The following TENM3 variants were observed in gnomAD, a reference collection of about 807,000 sequenced individuals.
The protein encoded by TENM3 is teneurin transmembrane protein 3.
Under a neutral mutation model 255.1 loss-of-function variants are expected in TENM3, and 63 were observed. The observed-to-expected ratio is 0.25, with a 90% CI of 0.20 to 0.30. The LOEUF is 0.30. Among genes scored for constraint, TENM3 ranks in the 10% least tolerant of loss-of-function variants. The pLI is 1.00. For missense variants in TENM3, 2,929 were observed against 3,461.1 expected (o/e 0.85, Z 3.86); for synonymous variants, 1,306 against 1,322.3 (o/e 0.99, Z 0.27).
At chr4:181,539,795 G>A in the TENM3 span, among the ~76,000 whole-genome samples, 2 of 152,106 alleles carry the variant, frequency 1.3e-5, no homozygotes, top group East Asian at 3.8e-4. Context: ...AGTTGCTATA[G>A]AATATATGAT....
At chr4:181,707,395 C>G in the TENM3 span, among the ~76,000 whole-genome samples, 1 of 152,144 alleles carries the variant, frequency 6.6e-6, no homozygotes, top group Admixed American at 6.5e-5. Context: ...GGCAGAAGAA[C>G]ACCATCTTTA....
At chr4:182,177,379 T>TAG (rs1752562374) in intron 1 of TENM3, among the ~76,000 whole-genome samples, 1 of 152,108 alleles carries the variant, frequency 6.6e-6, no homozygotes, top group South Asian at 2.1e-4. Flanking sequence ...AGTTCCTGCT[T>TAG]AGCATCAGTA....
At chr4:181,897,483 G>C in the TENM3 span, among the ~76,000 whole-genome samples, 1 of 152,086 alleles carries the variant, frequency 6.6e-6, no homozygotes, top group Admixed American at 6.6e-5. Flanking sequence ...CTAACTAAAA[G>C]GTAGAACATT....
the TENM3 span, among the ~76,000 whole-genome samples, chr4:181,799,139 A>C: frequency 6.6e-6 from 1 of 152,368 alleles, no homozygotes; most frequent in African/African-American, 2.4e-5. Context: ...ACATAACTGC[A>C]TTACTGATTT....
chr4:182,571,024 GA>G (rs1744307410), intron 3 of TENM3, among the ~76,000 whole-genome samples: 1 of 152,058 alleles, frequency 6.6e-6, no homozygotes, highest in South Asian at 2.1e-4. Flanking sequence ...ATATTCGGGG[GA>G]TGATTTTTAA....
At chr4:181,678,841 C>CAAAAAA in the TENM3 span, among the ~76,000 whole-genome samples, 3 of 102,858 alleles carry the variant, frequency 2.9e-5, no homozygotes, top group Admixed American at 1.0e-4. Context: ...ATGTTTTAAA[C>CAAAAAA]AAAAAAAAAA....
At chr4:181,687,939 G>A in the TENM3 span, among the ~76,000 whole-genome samples, 4 of 151,864 alleles carry the variant, frequency 2.6e-5, no homozygotes, top group South Asian at 2.1e-4. Context: ...AAGCATATTC[G>A]ATAAATAATC....
chr4:182,064,459 T>C, the TENM3 span, among the ~76,000 whole-genome samples: 3 of 152,018 alleles, frequency 2.0e-5, no homozygotes, highest in Admixed American at 6.6e-5. Context: ...GCGCCTGTAG[T>C]CCCAGCTACT....
the TENM3 span, among the ~76,000 whole-genome samples, chr4:181,638,610 G>A: frequency 6.6e-6 from 1 of 152,140 alleles, no homozygotes; most frequent in East Asian, 1.9e-4. Context: ...CATTATGAGA[G>A]CAGAGAGATT....
At chr4:181,885,995 A>G in the TENM3 span, among the ~76,000 whole-genome samples, 155 of 152,092 alleles carry the variant, frequency 1.0e-3, 1 homozygote, top group African/African-American at 3.6e-3. Context: ...CCTGCTGGAA[A>G]AAGATCTGGC....
intron 3 of TENM3, among the ~76,000 whole-genome samples, chr4:182,462,133 A>G (rs1732069997): frequency 6.6e-6 from 1 of 151,542 alleles, no homozygotes; most frequent in African/African-American, 2.4e-5. Context: ...CAGTGGTGCA[A>G]TCATAGCTTA....
At chr4:181,756,137 G>A in the TENM3 span, among the ~76,000 whole-genome samples, 12 of 152,100 alleles carry the variant, frequency 7.9e-5, no homozygotes, top group Admixed American at 1.3e-4. Flanking sequence ...AAAGATATCC[G>A]AGACAAAGGG....
chr4:181,618,052 G>A, the TENM3 span, among the ~76,000 whole-genome samples: 1 of 152,240 alleles, frequency 6.6e-6, no homozygotes, highest in African/African-American at 2.4e-5. Flanking sequence ...AGCATCAGTG[G>A]TGTCATCTGA....
At chr4:181,757,392 A>G in the TENM3 span, among the ~76,000 whole-genome samples, 1 of 152,188 alleles carries the variant, frequency 6.6e-6, no homozygotes, top group Non-Finnish European at 1.5e-5. Context: ...TTAGCATTGC[A>G]TGCTGTCATA....
chr4:182,284,387 G>A (rs1180029149), intron 1 of TENM3, among the ~76,000 whole-genome samples: 1 of 152,124 alleles, frequency 6.6e-6, no homozygotes, highest in Non-Finnish European at 1.5e-5. Flanking sequence ...TTAAAAATGT[G>A]GGTAATATGT....
intron 3 of TENM3, chr4:182,349,798 C>A: frequency 3.0e-6 from 1 of 335,770 alleles, no homozygotes. Flanking sequence ...TCTTTTGACT[C>A]TTCAATTCTT....
chr4:182,731,745 GTAGACA>G (rs1760747528), intron 16 of TENM3, among the ~76,000 whole-genome samples: 1 of 147,232 alleles, frequency 6.8e-6, no homozygotes. Context: ...GTGTCCTACA[GTAGACA>G]TTGTTATAGT....
chr4:182,595,342 A>G (rs918826852), intron 3 of TENM3, among the ~76,000 whole-genome samples: 1 of 152,030 alleles, frequency 6.6e-6, no homozygotes, highest in Non-Finnish European at 1.5e-5. Context: ...CCTGTATCCA[A>G]TAGCTCGTAG....
intron 3 of TENM3, among the ~76,000 whole-genome samples, chr4:182,455,033 C>G (rs946196682): frequency 5.3e-5 from 8 of 152,102 alleles, no homozygotes; most frequent in African/African-American, 1.9e-4. Context: ...GGCCCATTAC[C>G]AAAATACCTA....
Sources: gnomAD v4.1 joint callset for allele counts (sites outside exome capture counted in the v4.1 genomes callset) on GRCh38, gnomAD v4.1.1 for gene constraint, MANE v1.5 for transcripts, NCBI Gene and HGNC (gene_info 2026-07-23, HGNC 2026-07-21) for gene names.